The following RPS6KA2 variants were observed in gnomAD, a reference collection of about 807,000 sequenced individuals.
RPS6KA2 encodes the protein ribosomal protein S6 kinase A2.
A neutral mutation model predicts 91.8 loss-of-function variants in RPS6KA2; 42 were observed. The ratio of observed to expected loss-of-function variants is 0.46; its 90% CI spans 0.36 to 0.59. The LOEUF is 0.59. Among genes scored for constraint, RPS6KA2 ranks in the 20% least tolerant of loss-of-function variants. The pLI is 0.00. For synonymous variants in RPS6KA2, 414 were observed against 393.6 expected (o/e 1.05, Z -0.61); for missense variants, 798 against 978.5 (o/e 0.82, Z 2.46).
At position 166,493,056 on chromosome 6, in the gene RPS6KA2, A is replaced by G. The variant is rs1489160530; in HGVS notation, c.748-2315T>C. 1.3e-5 allele frequency among the ~76,000 whole-genome samples: 2 copies of G among 151,986 alleles called. No homozygotes were observed. The highest frequency in any genetic ancestry group is 1.3e-4 in the Admixed American group (2 of 15,260). Reference sequence around the variant, plus strand: ...CTGGTGATTTCTTTTTAGCTTTTGAAGATGATTCCCTTGTGATCAGGGTCC... The same window carrying G: ...CTGGTGATTTCTTTTTAGCTTTTGAGGATGATTCCCTTGTGATCAGGGTCC... On this transcript the variant is annotated intron_variant, in intron 8 of 20. Coordinates refer to ENST00000265678, the MANE Select transcript of RPS6KA2 (RefSeq NM_021135.6). The surrounding 1 kb of genome is among the most constrained non-coding windows in gnomAD (Gnocchi z 4.7).
At chr6:166,659,782 A>T (rs2128557127) in intron 2 of RPS6KA2, among the ~76,000 whole-genome samples, 1 of 152,342 alleles carries the variant, frequency 6.6e-6, no homozygotes, top group South Asian at 2.1e-4. Flanking sequence ...GTACAGCTCT[A>T]GCACCGACTG....
chr6:166,567,929 G>A (rs762909450), intron 1 of RPS6KA2, among the ~76,000 whole-genome samples: 2 of 152,176 alleles, frequency 1.3e-5, no homozygotes, highest in African/African-American at 4.8e-5. Flanking sequence ...AGCTCACCTG[G>A]GGAAAGAGCA....
In RPS6KA2 at chr6:166,701,085, T is replaced by C; in HGVS notation, c.123+157115A>G. The C allele has an allele frequency of 1.9e-6, 3 of 1,598,680 alleles. No individual in the cohort carries two copies. In the South Asian group the frequency reaches 3.3e-5, roughly 18 times the overall value. The stretch of plus-strand genomic sequence containing the variant: ...GCATCTGCCTCCGTGGTGGGCTGTT[T>C]CCTGAGCCTTACTTCCGTCTTGACT... On this transcript the variant is annotated intron_variant, in intron 2 of 21. Coordinates refer to the RPS6KA2 transcript ENST00000503859.
In RPS6KA2 at chr6:166,782,568, C is replaced by T. The variant is rs1778797752; in HGVS notation, c.123+75632G>A. 2.0e-5 allele frequency among the ~76,000 whole-genome samples: 3 copies of T among 152,256 alleles called. No individual in the cohort carries two copies. In the South Asian group the frequency reaches 6.2e-4, roughly 32 times the overall value. The stretch of plus-strand genomic sequence containing the variant: ...CGAGGTTAGAGCCACCAGAAGGAAG[C>T]GTGACTCGATCCCGAGGCCCGGATT... On this transcript the variant is annotated intron_variant, in intron 2 of 21. Coordinates refer to the RPS6KA2 transcript ENST00000503859.
intron 1 of RPS6KA2, among the ~76,000 whole-genome samples, chr6:166,545,672 TG>T (rs1394857283): frequency 6.6e-6 from 1 of 152,216 alleles, no homozygotes; most frequent in African/African-American, 2.4e-5. Context: ...GTTTCCTCTC[TG>T]GTTTTAATTA....
intron 2 of RPS6KA2, among the ~76,000 whole-genome samples, chr6:166,734,667 G>A (rs55880935): frequency 0.37 from 55,615 of 151,716 alleles, 14,513 homozygotes; most frequent in African/African-American, 0.75. Context: ...CACTGGGGGC[G>A]TGCTGATTTT....
intron 10 of RPS6KA2, among the ~76,000 whole-genome samples, chr6:166,474,726 T>C (rs1373984077): frequency 8.5e-5 from 13 of 152,174 alleles, no homozygotes; most frequent in Admixed American, 3.9e-4. Context: ...CACTATGGTA[T>C]AAACTTCCAT....
intron 2 of RPS6KA2, among the ~76,000 whole-genome samples, chr6:166,787,866 C>T (rs62438746): frequency 0.3 from 45,049 of 151,016 alleles, 6,889 homozygotes; most frequent in Middle Eastern, 0.35. Context: ...GCAAAAGAAA[C>T]TAGCATCAGA....
rs1263698169 is a variant in RPS6KA2, at chr6:166,418,889, A to G, written c.1821-547T>C. The stretch of plus-strand genomic sequence containing the variant: ...AAAACACACCCACACACTCCTAGGA[A>G]AGGAAGGACACGTGTGCTGCCAGCG... On this transcript the variant is annotated intron_variant, in intron 18 of 20. Transcript: ENST00000265678. The surrounding 1 kb of genome is among the most constrained non-coding windows in gnomAD (Gnocchi z 4.9). Among the ~76,000 whole-genome samples, 1 of 152,250 alleles carries G rather than the reference A, an allele frequency of 6.6e-6. No homozygotes were observed. The highest frequency in any genetic ancestry group is 1.5e-5 in the Non-Finnish European group (1 of 68,046).
intron 2 of RPS6KA2, among the ~76,000 whole-genome samples, chr6:166,741,881 C>G (rs1169097983): frequency 1.3e-5 from 2 of 152,196 alleles, no homozygotes; most frequent in Non-Finnish European, 2.9e-5. Context: ...AATCCCAGCA[C>G]TTTAAGAGGC....
intron 2 of RPS6KA2, among the ~76,000 whole-genome samples, chr6:166,782,317 T>C (rs1398815447): frequency 6.6e-6 from 1 of 152,096 alleles, no homozygotes; most frequent in African/African-American, 2.4e-5. Flanking sequence ...ACAAAATGTC[T>C]CTAGACGTTG....
In RPS6KA2 at chr6:166,710,939, A is replaced by G. The variant is rs77412535; in HGVS notation, c.123+147261T>C. 4.3e-3 allele frequency among the ~76,000 whole-genome samples: 649 copies of G among 152,290 alleles called. 10 individuals are homozygous for G. The highest frequency in any genetic ancestry group is 0.036 in the East Asian group (186 of 5,172). ...AGGGAAGGGGGCAGAAAACTCTTAG[A>G]TGATAACTGCTCTACTTTAGCCAAA... On this transcript the variant is annotated intron_variant, in intron 2 of 21. Transcript: ENST00000503859.
Position 166,603,043 on chromosome 6 carries a change from T to C in RPS6KA2, c.99+23878A>G, listed in dbSNP as rs966700810. Among the ~76,000 whole-genome samples the C allele has an allele frequency of 3.9e-5, 6 of 151,982 alleles. No homozygotes were observed. Among genetic ancestry groups the C allele is most frequent in the African/African-American group, 7.3e-5 (3 of 41,374 alleles). Reference sequence around the variant, plus strand: ...ATTCTGCTTTCACCCTCTGGATGAGTTCATTCAAAGACTAAGAGACCTAAA... The same window carrying C: ...ATTCTGCTTTCACCCTCTGGATGAGCTCATTCAAAGACTAAGAGACCTAAA... On this transcript the variant is annotated intron_variant, in intron 1 of 20. Coordinates refer to ENST00000265678, the MANE Select transcript of RPS6KA2 (RefSeq NM_021135.6). The surrounding 1 kb of genome is among the most constrained non-coding windows in gnomAD (Gnocchi z 4.3).
chr6:166,643,110 A>C (rs544943774), intron 2 of RPS6KA2, among the ~76,000 whole-genome samples: 1 of 152,342 alleles, frequency 6.6e-6, no homozygotes, highest in East Asian at 1.9e-4. Flanking sequence ...CCTTGAATTA[A>C]AATGTCCTTT....
chr6:166,565,722 G>T (rs899482200), intron 1 of RPS6KA2, among the ~76,000 whole-genome samples: 2 of 152,212 alleles, frequency 1.3e-5, no homozygotes, highest in African/African-American at 2.4e-5. Flanking sequence ...ACTGGACAGA[G>T]CCTGGACCTG....
chr6:166,480,266 C>A (rs1042835828), intron 10 of RPS6KA2, among the ~76,000 whole-genome samples: 1 of 151,780 alleles, frequency 6.6e-6, no homozygotes, highest in African/African-American at 2.4e-5. Context: ...ATGGGCTAGA[C>A]CTCCATGAAG....
In RPS6KA2 at chr6:166,423,420, G is replaced by A; in HGVS notation, c.1582-3C>T. 6.2e-7 allele frequency: 1 copy of A among 1,605,634 alleles called. No individual in the cohort carries two copies. The highest frequency in any genetic ancestry group is 8.5e-7 in the Non-Finnish European group (1 of 1,173,066). On this transcript the variant is annotated splice_region_variant and splice_polypyrimidine_tract_variant and intron_variant, in intron 16 of 20. Coordinates refer to ENST00000265678, the MANE Select transcript of RPS6KA2 (RefSeq NM_021135.6). This position sits in a 1 kb window ranked among gnomAD's most constrained non-coding sequence, Gnocchi z 4.8. ...GGCTTCAGGTCTCGATGAACAACCT[G>A]CAAGACAGAAGGCACAGTGCCTACT...
At chr6:166,667,735 A>G (rs1788354439) in intron 2 of RPS6KA2, among the ~76,000 whole-genome samples, 1 of 152,242 alleles carries the variant, frequency 6.6e-6, no homozygotes, top group African/African-American at 2.4e-5. Flanking sequence ...GGGTAGAATC[A>G]GCAACTTTTG....
intron 2 of RPS6KA2, among the ~76,000 whole-genome samples, chr6:166,831,721 A>G (rs1013608653): frequency 2.0e-5 from 3 of 151,682 alleles, no homozygotes; most frequent in Non-Finnish European, 4.4e-5. Context: ...TTTTTAAACA[A>G]ATTGTATTTT....
Sources: allele counts gnomAD v4.1 joint callset (sites outside exome capture counted in the v4.1 genomes callset), GRCh38; gene constraint gnomAD v4.1.1; non-coding constraint Gnocchi (gnomAD v3.1); transcripts MANE v1.5; gene names NCBI Gene and HGNC (gene_info 2026-07-23, HGNC 2026-07-21).